The following MAD1L1 variants were observed in gnomAD, a reference collection of about 807,000 sequenced individuals.
The protein encoded by MAD1L1 is mitotic spindle assembly checkpoint protein MAD1.
A neutral mutation model predicts 96.9 loss-of-function variants in MAD1L1; 95 were observed. That is an observed-to-expected ratio of 0.98 (90% CI 0.83 to 1.16). MAD1L1 has a LOEUF of 1.16. Ranked by LOEUF, MAD1L1 falls within the 50% of genes most tolerant of loss-of-function variation. The pLI is 0.00. For missense variants in MAD1L1, 1,007 were observed against 954.4 expected (o/e 1.06, Z -0.73); for synonymous variants, 473 against 396.6 (o/e 1.19, Z -2.29).
intron 10 of MAD1L1, among the ~76,000 whole-genome samples, chr7:2,171,471 AAAGGACAGCAGAG>A (rs1562751912): frequency 6.6e-6 from 1 of 152,102 alleles, no homozygotes; most frequent in East Asian, 1.9e-4. Flanking sequence ...TCCACCCTGC[AAAGGACAGCAGAG>A]AAGGACAGCA....
rs182923842 is a variant in MAD1L1, at chr7:2,146,569, C to T, written c.1073+2583G>A. On this transcript the variant is annotated intron_variant, in intron 11 of 18. Transcript: ENST00000265854. The surrounding 1 kb of genome is among the most constrained non-coding windows in gnomAD (Gnocchi z 6.2). ...GCACGTGCCCGCTGGTCCGCACAGA[C>T]GAGGGAAAATGCCCAGCAGCTGCTC... Among the ~76,000 whole-genome samples, 12 of 152,300 alleles carry T rather than the reference C, an allele frequency of 7.9e-5. No homozygotes were observed. The highest frequency in any genetic ancestry group is 3.9e-4 in the Admixed American group (6 of 15,298).
At chr7:2,093,057 G>A (rs1367961422) in intron 11 of MAD1L1, among the ~76,000 whole-genome samples, 1 of 151,188 alleles carries the variant, frequency 6.6e-6, no homozygotes, top group Non-Finnish European at 1.5e-5. Context: ...CCAATATGGT[G>A]AAACCCCGTC....
intron 18 of MAD1L1, among the ~76,000 whole-genome samples, chr7:1,839,417 G>C (rs1372232131): frequency 6.6e-6 from 1 of 151,654 alleles, no homozygotes; most frequent in African/African-American, 2.4e-5. Flanking sequence ...CCATGGCCTG[G>C]GGAGTGCTTG....
intron 15 of MAD1L1, among the ~76,000 whole-genome samples, chr7:1,977,202 C>T (rs562154165): frequency 2.6e-5 from 4 of 152,250 alleles, no homozygotes; most frequent in Admixed American, 6.5e-5. Flanking sequence ...TGGGAGCCCA[C>T]GGCTGGGGGT....
intron 11 of MAD1L1, among the ~76,000 whole-genome samples, chr7:2,099,587 C>T (rs909566635): frequency 1.4e-5 from 2 of 146,186 alleles, no homozygotes; most frequent in Admixed American, 7.0e-5. Context: ...CAGGCGGGAG[C>T]GTGGACGGAA....
intron 14 of MAD1L1, among the ~76,000 whole-genome samples, chr7:2,000,681 C>T (rs1450008731): frequency 6.6e-6 from 1 of 152,220 alleles, no homozygotes; most frequent in African/African-American, 2.4e-5. Flanking sequence ...CACTTGGCAA[C>T]AGTGTGCCTC....
intron 18 of MAD1L1, among the ~76,000 whole-genome samples, chr7:1,850,082 T>C (rs1307428554): frequency 6.6e-6 from 1 of 152,158 alleles, no homozygotes; most frequent in South Asian, 2.1e-4. Context: ...CCGGAACAGC[T>C]CTGTGAGGCG....
chr7:1,904,251 T>G, intron 17 of MAD1L1, among the ~76,000 whole-genome samples: 1 of 148,152 alleles, frequency 6.7e-6, no homozygotes, highest in African/African-American at 2.6e-5. Flanking sequence ...GAACTCATGA[T>G]TGATGAAGCA....
intron 10 of MAD1L1, among the ~76,000 whole-genome samples, chr7:2,149,760 G>C (rs992061558): frequency 1.3e-5 from 2 of 152,204 alleles, no homozygotes; most frequent in African/African-American, 4.8e-5. Flanking sequence ...AGGAAACTCA[G>C]ACTCCAATGT....
At position 1,843,597 on chromosome 7, in the gene MAD1L1, C is replaced by T. The variant is rs116982397; in HGVS notation, c.1999-27369G>A. 2.3e-3 allele frequency among the ~76,000 whole-genome samples: 353 copies of T among 152,360 alleles called. 3 individuals carry two copies. Among genetic ancestry groups the T allele is most frequent in the South Asian group, 9.1e-3 (44 of 4,828 alleles). ...ATGCTATTTTAAGATGCAATTAAAA[C>T]GTCTCATTGCCAAAGTGCGTGCTTC... is the stretch of plus-strand genomic sequence containing the variant. On this transcript the variant is annotated intron_variant, in intron 18 of 18. Coordinates refer to ENST00000265854, the MANE Select transcript of MAD1L1 (RefSeq NM_001013836.2).
chr7:2,104,505 C>T (rs1057046772), intron 11 of MAD1L1, among the ~76,000 whole-genome samples: 8 of 152,214 alleles, frequency 5.3e-5, no homozygotes, highest in Admixed American at 2.0e-4. Context: ...TCGGAACACG[C>T]GCTCTGCCAC....
In MAD1L1 at chr7:2,040,173, C is replaced by T. The variant is rs4719404; in HGVS notation, c.1219-25531G>A. On this transcript the variant is annotated intron_variant, in intron 12 of 18. Transcript: ENST00000265854. ...TAATAACGGAGGTGAAATGAACAAA[C>T]TCCTGAAAAGACAAAAGCTACCAAA... Among the ~76,000 whole-genome samples the T allele has an allele frequency of 3.3e-3, 507 of 152,296 alleles. 11 individuals carry two copies. Among genetic ancestry groups the T allele is most frequent in the Admixed American group, 0.03 (465 of 15,300 alleles).
chr7:2,229,138 G>C (rs867615499), intron 3 of MAD1L1, among the ~76,000 whole-genome samples: 2 of 152,214 alleles, frequency 1.3e-5, no homozygotes, highest in Non-Finnish European at 2.9e-5. Flanking sequence ...TCTGGGCTCT[G>C]AGAGCGCAGG....
At chr7:1,882,914 ACGGCCCC>A (rs1785776013) in intron 18 of MAD1L1, among the ~76,000 whole-genome samples, 2 of 146,276 alleles carry the variant, frequency 1.4e-5, no homozygotes, top group African/African-American at 5.3e-5. Context: ...TGCACCACAA[ACGGCCCC>A]AGGAACCAGC....
intron 17 of MAD1L1, among the ~76,000 whole-genome samples, chr7:1,935,474 C>T (rs1778543270): frequency 6.6e-6 from 1 of 152,188 alleles, no homozygotes; most frequent in Non-Finnish European, 1.5e-5. Context: ...GCCACTAAGC[C>T]CCTACCTGCC....
intron 18 of MAD1L1, chr7:1,872,515 C>A (rs898650457): frequency 1.3e-5 from 2 of 152,294 alleles, no homozygotes; most frequent in Non-Finnish European, 2.9e-5. Flanking sequence ...CCAACAGTCG[C>A]CTGCGACACC....
chr7:1,819,712 G>T (rs1230569804), intron 18 of MAD1L1, among the ~76,000 whole-genome samples: 1 of 152,136 alleles, frequency 6.6e-6, no homozygotes, highest in Non-Finnish European at 1.5e-5. Context: ...GAGTGAGGGA[G>T]GGGTGGGGGC....
At position 2,146,331 on chromosome 7, in the gene MAD1L1, C is replaced by T. The variant is rs1361764545; in HGVS notation, c.1073+2821G>A. Among the ~76,000 whole-genome samples, 10 of 149,054 alleles carry T rather than the reference C, an allele frequency of 6.7e-5. No individual in the cohort carries two copies. Among genetic ancestry groups the T allele is most frequent in the African/African-American group, 1.3e-4 (5 of 40,000 alleles). ...CACTGGGCTACGAGGAACAGGGCAC[C>T]GCCTCGAAGAGGGAGCACCGGGCAC... is the stretch of plus-strand genomic sequence containing the variant. On this transcript the variant is annotated intron_variant, in intron 11 of 18. Coordinates refer to ENST00000265854, the MANE Select transcript of MAD1L1 (RefSeq NM_001013836.2). The surrounding 1 kb of genome is among the most constrained non-coding windows in gnomAD (Gnocchi z 6.2).
intron 17 of MAD1L1, among the ~76,000 whole-genome samples, chr7:1,906,262 G>A (rs1045860888): frequency 2.5e-4 from 38 of 152,164 alleles, no homozygotes; most frequent in African/African-American, 8.9e-4. Context: ...GGCCTCGGTT[G>A]TGTATGCCAA....
Sources: gnomAD v4.1 joint callset for allele counts (sites outside exome capture counted in the v4.1 genomes callset) on GRCh38, gnomAD v4.1.1 for gene constraint, Gnocchi (gnomAD v3.1) non-coding constraint, MANE v1.5 for transcripts, NCBI Gene and HGNC (gene_info 2026-07-23, HGNC 2026-07-21) for gene names.